The following ATP8A1 variants were observed in gnomAD, a reference collection of about 807,000 sequenced individuals.
ATP8A1 encodes the protein ATPase phospholipid transporting 8A1, also known as phospholipid-transporting ATPase IA.
ATP8A1 carries 90 observed loss-of-function variants against 177.7 expected under a neutral mutation model. The observed-to-expected ratio is 0.51, with a 90% CI of 0.43 to 0.60. ATP8A1 has a LOEUF of 0.60. Ranked by LOEUF, ATP8A1 falls within the 20% of genes least tolerant of loss-of-function variation. The pLI is 0.00. For missense variants in ATP8A1, 1,072 were observed against 1,392.8 expected, an observed-to-expected ratio of 0.77 and a Z score of 3.67; for synonymous variants, 493 against 485.9, an observed-to-expected ratio of 1.01 and a Z score of -0.19.
At chr4:42,565,041 C>T (rs541772932) in intron 15 of ATP8A1, among the ~76,000 whole-genome samples, 5 of 152,264 alleles carry the variant, frequency 3.3e-5, no homozygotes, top group Non-Finnish European at 5.9e-5. Context: ...CTGCCATCCA[C>T]GTAAGACATG....
At chr4:42,442,471 T>C (rs1716735793) in intron 33 of ATP8A1, among the ~76,000 whole-genome samples, 2 of 152,222 alleles carry the variant, frequency 1.3e-5, no homozygotes, top group Admixed American at 1.3e-4. Context: ...CCTGTTCTGC[T>C]TAGAATACAT....
At chr4:42,651,486 T>C (rs1046460892) in intron 1 of ATP8A1, among the ~76,000 whole-genome samples, 1 of 152,192 alleles carries the variant, frequency 6.6e-6, no homozygotes, top group Non-Finnish European at 1.5e-5. Context: ...GTCTCGGGTA[T>C]GTCTTTATCA....
chr4:42,590,734 A>C, intron 7 of ATP8A1, 77 bp downstream of exon 7: 1 of 1,338,544 alleles, frequency 7.5e-7, no homozygotes, highest in Non-Finnish European at 1.1e-6. Flanking sequence ...GAACTCAACC[A>C]TATTTGGGTG....
At chr4:42,462,592 G>T (rs1396147970) in intron 27 of ATP8A1, among the ~76,000 whole-genome samples, 1 of 152,242 alleles carries the variant, frequency 6.6e-6, no homozygotes. Flanking sequence ...TGCTGCAGGG[G>T]CAGGGCTCTC....
At chr4:42,574,748 T>C (rs768858070) in intron 13 of ATP8A1, 41 bp from the exon 14 acceptor site, 748 of 1,390,828 alleles carry the variant, frequency 5.4e-4, no homozygotes, top group Non-Finnish European at 7.0e-4. Context: ...TTTGAAAGTC[T>C]TTATGCCACT....
Position 42,434,663 on chromosome 4 carries a change from G to A in ATP8A1, c.3123+8902C>T, listed in dbSNP as rs1715710403. Among the ~76,000 whole-genome samples, 3 of 152,122 alleles carry A rather than the reference G, an allele frequency of 2.0e-5. No individual in the cohort carries two copies. In the South Asian group the frequency reaches 6.2e-4, roughly 31 times the overall value. On this transcript the variant is annotated intron_variant, in intron 33 of 36. Coordinates refer to ENST00000381668, the MANE Select transcript of ATP8A1 (RefSeq NM_006095.2). ...AAGGCTACATCCCTCTGGCTCTCTT[G>A]TTGCAGCTACTTTGGCTATATGATT...
Position 42,600,987 on chromosome 4 carries a change from T to C in ATP8A1, c.410-469A>G, listed in dbSNP as rs181358385. ...ATTTGTACCTTTAGGTTTATATTAA[T>C]GCAAAAAAACAAACAGCGACAAAAA... On this transcript the variant is annotated intron_variant, in intron 5 of 36. Transcript: ENST00000381668. Among the ~76,000 whole-genome samples, 642 of 147,098 alleles carry C rather than the reference T, an allele frequency of 4.4e-3. 2 individuals are homozygous for C. Among genetic ancestry groups the C allele is most frequent in the Non-Finnish European group, 6.8e-3 (462 of 67,676 alleles).
rs796067615 is a variant in ATP8A1 at position 42,635,752 on chromosome 4, T to TACAC, written c.50-8644_50-8643insGTGT. Among the ~76,000 whole-genome samples, 27 of 70,822 alleles carry TACAC rather than the reference T, an allele frequency of 3.8e-4. No homozygotes were observed. In the East Asian group the frequency reaches 7.4e-3, roughly 19 times the overall value. 46.5% of individuals were successfully genotyped at this position (70,822 alleles called of 152,430 possible). A position where few individuals can be genotyped will look rare whatever the true frequency, so the allele number is the denominator to read the frequency against. Reference sequence around the variant, plus strand: ...ATACATACACACATATATACATATATATACACACACACACACACACACACA... The same window carrying TACAC: ...ATACATACACACATATATACATATATACACATACACACACACACACACACACACA... On this transcript the variant is annotated intron_variant, in intron 1 of 36. Transcript: ENST00000381668.
chr4:42,591,089 GTTAT>G (rs1280030549), intron 6 of ATP8A1, among the ~76,000 whole-genome samples: 2 of 151,704 alleles, frequency 1.3e-5, no homozygotes, highest in Non-Finnish European at 2.9e-5. Context: ...ATATTTGAGG[GTTAT>G]TTATTTGCTT....
chr4:42,445,662 A>C (rs1717132768), intron 31 of ATP8A1, among the ~76,000 whole-genome samples: 1 of 152,206 alleles, frequency 6.6e-6, no homozygotes, highest in Non-Finnish European at 1.5e-5. Flanking sequence ...TGGGGTTGTA[A>C]AGTCAGGTTA....
intron 22 of ATP8A1, among the ~76,000 whole-genome samples, chr4:42,518,394 T>A (rs116320561): frequency 0.01 from 1,530 of 152,274 alleles, 24 homozygotes; most frequent in African/African-American, 0.035. Context: ...TTTCTAAAAG[T>A]CCACATACAA....
chr4:42,471,996 T>C, intron 25 of ATP8A1: 1 of 717,248 alleles, frequency 1.4e-6, no homozygotes, highest in Non-Finnish European at 2.7e-6. Context: ...TATCATAATC[T>C]TTGTTCCTGT....
intron 5 of ATP8A1, among the ~76,000 whole-genome samples, chr4:42,605,679 T>C (rs2109415541): frequency 6.6e-6 from 1 of 152,294 alleles, no homozygotes; most frequent in Middle Eastern, 3.4e-3. Flanking sequence ...CTGATCAGTT[T>C]TCTCTCCACA....
At chr4:42,483,178 G>C (rs747291717) in intron 25 of ATP8A1, among the ~76,000 whole-genome samples, 1 of 152,130 alleles carries the variant, frequency 6.6e-6, no homozygotes, top group Non-Finnish European at 1.5e-5. Flanking sequence ...ACAAGAAGAT[G>C]GTCTGTGCCA....
Position 42,414,694 on chromosome 4 carries a change from G to A in ATP8A1, c.3330C>T (p.Leu1110=). The change falls in exon 36 of 37, where the codon CTC becomes CTT. Residue 1110 remains leucine (L), a synonymous_variant. Transcript: ENST00000381668. ...CGTGGTTCTTCTTAAAGACGTTCTTGAGCAGTTGCGCCCTCTCGGTCAGGC... is the reference window on the plus strand; with the variant it reads ...CGTGGTTCTTCTTAAAGACGTTCTTAAGCAGTTGCGCCCTCTCGGTCAGGC... ...GKSLTERAQL[L]KNVFKKNHVN... 2 of 1,613,888 alleles carry A rather than the reference G, an allele frequency of 1.2e-6. No homozygotes were observed. The highest frequency in any genetic ancestry group is 1.1e-5 in the South Asian group (1 of 91,058).
intron 19 of ATP8A1, among the ~76,000 whole-genome samples, chr4:42,547,594 T>C (rs1161272768): frequency 3.3e-5 from 5 of 152,164 alleles, no homozygotes; most frequent in African/African-American, 7.2e-5. Flanking sequence ...TCTACAGATA[T>C]AATACAAATA....
intron 6 of ATP8A1, among the ~76,000 whole-genome samples, chr4:42,596,666 C>CAAAAAAAAAAAAA (rs71648737): frequency 2.7e-5 from 2 of 74,004 alleles, no homozygotes; most frequent in African/African-American, 5.1e-5. Flanking sequence ...GACTCCATCT[C>CAAAAAAAAAAAAA]AAAAAAAAAA....
intron 35 of ATP8A1, among the ~76,000 whole-genome samples, chr4:42,418,913 C>T (rs530691998): frequency 6.6e-6 from 1 of 152,182 alleles, no homozygotes; most frequent in Non-Finnish European, 1.5e-5. Flanking sequence ...TCCTTAAGTG[C>T]TTACAATTTG....
intron 36 of ATP8A1, among the ~76,000 whole-genome samples, chr4:42,414,059 TGA>T (rs1223276440): frequency 1.3e-5 from 2 of 149,294 alleles, no homozygotes; most frequent in African/African-American, 4.9e-5. Flanking sequence ...GCATTAGACA[TGA>T]GTATACGTAA....
Sources: gnomAD v4.1 joint callset for allele counts (sites outside exome capture counted in the v4.1 genomes callset) on GRCh38, gnomAD v4.1.1 for gene constraint, MANE v1.5 for transcripts, NCBI Gene and HGNC (gene_info 2026-07-23, HGNC 2026-07-21) for gene names.